The following IMMP2L variants were observed in gnomAD, a reference collection of about 807,000 sequenced individuals.
IMMP2L encodes inner mitochondrial membrane peptidase subunit 2.
In IMMP2L, 18 loss-of-function variants were observed where a neutral mutation model predicts 19.3. The ratio of observed to expected loss-of-function variants is 0.93; its 90% CI spans 0.64 to 1.38. IMMP2L has a LOEUF of 1.38. Ranked by LOEUF, IMMP2L falls within the 40% of genes most tolerant of loss-of-function variation. IMMP2L has a pLI of 0.00. For missense variants in IMMP2L, 233 were observed against 218.2 expected, an observed-to-expected ratio of 1.07 and a Z score of -0.43; for synonymous variants, 76 against 73.0, an observed-to-expected ratio of 1.04 and a Z score of -0.21.
chr7:111,074,848 A>G (rs920375019), intron 3 of IMMP2L, among the ~76,000 whole-genome samples: 6 of 152,318 alleles, frequency 3.9e-5, no homozygotes, highest in African/African-American at 1.4e-4. Context: ...ATCAAAAAAC[A>G]GAAATGCGGA....
chr7:111,164,775 A>G (rs1463724527), intron 3 of IMMP2L, among the ~76,000 whole-genome samples: 6 of 152,004 alleles, frequency 3.9e-5, no homozygotes, highest in Admixed American at 3.9e-4. Flanking sequence ...TCAAACAAAG[A>G]TCTTGGAAGG....
At chr7:111,336,391 A>T in intron 3 of IMMP2L, among the ~76,000 whole-genome samples, 1 of 152,066 alleles carries the variant, frequency 6.6e-6, no homozygotes, top group South Asian at 2.1e-4. Flanking sequence ...AAATAAAAAT[A>T]TTATGTGTTT....
intron 3 of IMMP2L, among the ~76,000 whole-genome samples, chr7:111,154,805 C>T (rs553181489): frequency 7.9e-5 from 12 of 152,212 alleles, no homozygotes; most frequent in South Asian, 4.1e-4. Context: ...TCACCCAAGC[C>T]GGAGTACAGT....
At chr7:111,449,041 A>G (rs1025941500) in intron 3 of IMMP2L, among the ~76,000 whole-genome samples, 1 of 151,654 alleles carries the variant, frequency 6.6e-6, no homozygotes, top group Non-Finnish European at 1.5e-5. Context: ...GACCAATAAC[A>G]GGAGCTAAAA....
intron 3 of IMMP2L, among the ~76,000 whole-genome samples, chr7:111,322,888 A>G (rs992028578): frequency 2.0e-5 from 3 of 151,800 alleles, no homozygotes; most frequent in African/African-American, 7.3e-5. Context: ...ATCAAAGCCT[A>G]CGTCTCCCAG....
At chr7:111,386,245 A>C (rs1305121279) in intron 3 of IMMP2L, among the ~76,000 whole-genome samples, 1 of 152,102 alleles carries the variant, frequency 6.6e-6, no homozygotes, top group African/African-American at 2.4e-5. Context: ...TGAATAAATA[A>C]CTTCCCCATG....
chr7:110,750,898 A>G (rs963156713), intron 5 of IMMP2L, among the ~76,000 whole-genome samples: 6 of 152,086 alleles, frequency 3.9e-5, no homozygotes, highest in African/African-American at 1.4e-4. Flanking sequence ...TTAAAATCAA[A>G]AAGCAGAAAA....
intron 5 of IMMP2L, among the ~76,000 whole-genome samples, chr7:110,856,796 T>C (rs756178579): frequency 2.0e-5 from 3 of 152,030 alleles, no homozygotes; most frequent in Non-Finnish European, 4.4e-5. Context: ...AAATAACAAC[T>C]CAGTAGTTTA....
intron 3 of IMMP2L, among the ~76,000 whole-genome samples, chr7:111,071,903 C>T (rs1794987135): frequency 6.6e-6 from 1 of 151,964 alleles, no homozygotes; most frequent in African/African-American, 2.4e-5. Flanking sequence ...AATTTCACTT[C>T]AATTTTTTTT....
At chr7:110,729,423 C>G (rs1035740801) in intron 5 of IMMP2L, among the ~76,000 whole-genome samples, 3 of 152,148 alleles carry the variant, frequency 2.0e-5, no homozygotes, top group Non-Finnish European at 1.5e-5. Context: ...AACTCACTCA[C>G]TATCACGAGA....
intron 3 of IMMP2L, among the ~76,000 whole-genome samples, chr7:111,285,214 A>G (rs560745275): frequency 6.6e-6 from 1 of 152,314 alleles, no homozygotes; most frequent in African/African-American, 2.4e-5. Flanking sequence ...TCAGGATGCA[A>G]TTACAGAGGG....
intron 5 of IMMP2L, among the ~76,000 whole-genome samples, chr7:110,713,320 T>C (rs1049055262): frequency 6.6e-6 from 1 of 152,210 alleles, no homozygotes. Context: ...GGACTTACAT[T>C]ACTAGTTTGA....
chr7:111,312,936 A>G (rs1823672129), intron 3 of IMMP2L, among the ~76,000 whole-genome samples: 1 of 152,140 alleles, frequency 6.6e-6, no homozygotes, highest in Non-Finnish European at 1.5e-5. Context: ...TGAAGGGGTT[A>G]GAAAAAAAAG....
intron 3 of IMMP2L, among the ~76,000 whole-genome samples, chr7:111,458,189 G>A (rs1435446869): frequency 1.3e-5 from 2 of 152,152 alleles, no homozygotes; most frequent in South Asian, 2.1e-4. Flanking sequence ...GACTAGCCTG[G>A]GCAACATGGT....
intron 3 of IMMP2L, among the ~76,000 whole-genome samples, chr7:110,970,071 A>G (rs1769454312): frequency 6.6e-6 from 1 of 152,182 alleles, no homozygotes; most frequent in Non-Finnish European, 1.5e-5. Flanking sequence ...GAAAAATTTA[A>G]TAAGCAAATA....
intron 5 of IMMP2L, among the ~76,000 whole-genome samples, chr7:110,673,964 G>C (rs1385045313): frequency 6.6e-6 from 1 of 152,090 alleles, no homozygotes; most frequent in Non-Finnish European, 1.5e-5. Flanking sequence ...TTCCAAAGTT[G>C]CTTCTACTTT....
At chr7:110,960,376 A>T (rs1818808204) in intron 4 of IMMP2L, among the ~76,000 whole-genome samples, 1 of 151,846 alleles carries the variant, frequency 6.6e-6, no homozygotes, top group Non-Finnish European at 1.5e-5. Flanking sequence ...CCCTTCTTCC[A>T]TACCTCTGGG....
At position 111,481,848 on chromosome 7, in the gene IMMP2L, TA is replaced by T. The variant is rs550948758; in HGVS notation, c.239+5389del. The stretch of plus-strand genomic sequence containing the variant: ...TAGACGTAGTGTTATCAAATAGAAA[TA>T]AAATGTATGTCACATGTGTAATTTT... On this transcript the variant is annotated intron_variant, in intron 3 of 5. Transcript: ENST00000405709. 4.4e-4 allele frequency among the ~76,000 whole-genome samples: 67 copies of T among 152,270 alleles called. 1 individual carries two copies. The South Asian group carries it at 0.014, about 31-fold the overall frequency.
chr7:111,430,379 A>C (rs1274995760), intron 3 of IMMP2L, among the ~76,000 whole-genome samples: 1 of 151,758 alleles, frequency 6.6e-6, no homozygotes, highest in African/African-American at 2.4e-5. Context: ...AAAGCATATA[A>C]ATTTATACAT....
Sources: allele counts gnomAD v4.1 joint callset (sites outside exome capture counted in the v4.1 genomes callset), GRCh38; gene constraint gnomAD v4.1.1; transcripts MANE v1.5; gene names NCBI Gene and HGNC (gene_info 2026-07-23, HGNC 2026-07-21).